The following ZSWIM2 variants were observed in gnomAD, a reference collection of about 807,000 sequenced individuals.
The protein encoded by ZSWIM2 is zinc finger SWIM-type containing 2.
A neutral mutation model predicts 48.4 loss-of-function variants in ZSWIM2; 38 were observed. The observed-to-expected ratio is 0.79, with a 90% CI of 0.61 to 1.03. ZSWIM2 has a LOEUF of 1.03. Among genes scored for constraint, ZSWIM2 ranks in the 50% least tolerant of loss-of-function variants. The pLI, the probability that ZSWIM2 is intolerant of heterozygous loss-of-function variation, is 0.00. For missense variants in ZSWIM2, 776 were observed against 730.2 expected (o/e 1.06, Z -0.72); for synonymous variants, 240 against 251.3 (o/e 0.96, Z 0.42).
At chr2:186,841,045 C>A (rs537558548) in intron 3 of ZSWIM2, among the ~76,000 whole-genome samples, 1 of 151,578 alleles carries the variant, frequency 6.6e-6, no homozygotes, top group East Asian at 1.9e-4. Context: ...AGCACAGACA[C>A]TAAAACTGAC....
intron 4 of ZSWIM2, 104 bp downstream of exon 4, chr2:186,838,855 A>G (rs1412019811): frequency 4.8e-6 from 4 of 839,412 alleles, no homozygotes; most frequent in Non-Finnish European, 7.0e-6. Flanking sequence ...AGCAGTAGGT[A>G]AAGTTGTCTA....
At chr2:186,829,667 A>G in intron 8 of ZSWIM2, 60 bp downstream of exon 8, 1 of 1,550,378 alleles carries the variant, frequency 6.5e-7, no homozygotes, top group Non-Finnish European at 8.8e-7. Context: ...TTAAATTGTC[A>G]CTTCATTTGT....
chr2:186,830,294 A>G (rs893528331), intron 7 of ZSWIM2, among the ~76,000 whole-genome samples: 9 of 152,156 alleles, frequency 5.9e-5, no homozygotes, highest in Admixed American at 5.9e-4. Flanking sequence ...TGGCAGGAGT[A>G]TCCCTTGGAC....
intron 4 of ZSWIM2, among the ~76,000 whole-genome samples, chr2:186,838,192 C>T (rs1458119738): frequency 6.6e-6 from 1 of 150,444 alleles, no homozygotes; most frequent in Non-Finnish European, 1.5e-5. Flanking sequence ...AAAGTATGAA[C>T]ATTAGACTCT....
intron 3 of ZSWIM2, 43 bp downstream of exon 3, chr2:186,844,674 A>G: frequency 1.3e-6 from 2 of 1,520,398 alleles, no homozygotes; most frequent in Non-Finnish European, 8.8e-7. Flanking sequence ...TCAAAGTAGT[A>G]AAATAAAAAA....
intron 4 of ZSWIM2, 89 bp from the exon 5 acceptor site, chr2:186,837,643 A>T (rs1053576617): frequency 4.3e-5 from 19 of 438,198 alleles, no homozygotes; most frequent in Non-Finnish European, 5.3e-5. Context: ...ATATATATTT[A>T]TATAAATAAA....
At chr2:186,848,934 G>A (rs1254691126) in intron 1 of ZSWIM2, 32 bp downstream of exon 1, 1 of 1,612,676 alleles carries the variant, frequency 6.2e-7, no homozygotes, top group Non-Finnish European at 8.5e-7. Flanking sequence ...CGGGGATGAT[G>A]GCCAACTGGG....
rs1347392129 is a variant in ZSWIM2 at position 186,837,542 on chromosome 2, G to A, written c.507C>T (p.Gly169=). Residue 169 remains glycine (G), a synonymous_variant, in exon 5 of 9, where the codon GGC becomes GGT. Transcript: ENST00000295131. The stretch of plus-strand genomic sequence containing the variant: ...TCATGCATTTTATATGAATACTATT[G>A]CCACAGCCAAACCTATGAGAGATAA... ...LPVTFCRFGC[G]NSIHIKCMKI... The A allele has an allele frequency of 1.2e-6, 2 of 1,608,974 alleles. No individual in the cohort carries two copies. The highest frequency in any genetic ancestry group is 1.7e-6 in the Non-Finnish European group (2 of 1,177,470).
intron 5 of ZSWIM2, among the ~76,000 whole-genome samples, chr2:186,836,573 T>C (rs955227374): frequency 2.0e-5 from 3 of 152,112 alleles, no homozygotes; most frequent in African/African-American, 7.2e-5. Flanking sequence ...CATCATAATG[T>C]AATTCAAGAA....
In ZSWIM2 at chr2:186,838,643, C is replaced by T. The variant is rs971927522; in HGVS notation, c.494+316G>A. Among the ~76,000 whole-genome samples, 9 of 147,746 alleles carry T rather than the reference C, an allele frequency of 6.1e-5. No homozygotes were observed. The East Asian group carries it at 1.6e-3, about 26-fold the overall frequency. On this transcript the variant is annotated intron_variant, in intron 4 of 8. Coordinates refer to ENST00000295131, the MANE Select transcript of ZSWIM2 (RefSeq NM_182521.3). Reference sequence around the variant, plus strand: ...ATTTAGAGTAAGAGCATATATTTAGCTCAAAACATATATATACACACACAT... The same window carrying T: ...ATTTAGAGTAAGAGCATATATTTAGTTCAAAACATATATATACACACACAT...
intron 7 of ZSWIM2, among the ~76,000 whole-genome samples, chr2:186,831,629 T>C (rs1691701846): frequency 2.6e-5 from 4 of 151,936 alleles, no homozygotes; most frequent in Admixed American, 2.0e-4. Context: ...CCAACCCAAA[T>C]GTCCAACAAT....
At chr2:186,839,225 G>A in intron 3 of ZSWIM2, 56 bp from the exon 4 acceptor site, 2 of 1,492,758 alleles carry the variant, frequency 1.3e-6, no homozygotes, top group Non-Finnish European at 1.8e-6. Context: ...GCTACAGAGA[G>A]GTAACAACTT....
At chr2:186,829,433 C>A (rs1306223872) in intron 8 of ZSWIM2, among the ~76,000 whole-genome samples, 2 of 152,080 alleles carry the variant, frequency 1.3e-5, no homozygotes, top group African/African-American at 2.4e-5. Context: ...TATTCTATAA[C>A]CTTTTTTCTT....
At chr2:186,830,239 G>A (rs1366032326) in intron 7 of ZSWIM2, among the ~76,000 whole-genome samples, 2 of 151,900 alleles carry the variant, frequency 1.3e-5, no homozygotes, top group Admixed American at 6.6e-5. Context: ...AAAATTAGCC[G>A]GGCATGGTGG....
chr2:186,848,884 G>C, intron 1 of ZSWIM2, 82 bp downstream of exon 1: 1 of 1,557,948 alleles, frequency 6.4e-7, no homozygotes, highest in Non-Finnish European at 8.8e-7. Context: ...TGTGATGGTG[G>C]CTACGCACAT....
At chr2:186,835,143 C>A (rs1691771744) in intron 5 of ZSWIM2, among the ~76,000 whole-genome samples, 1 of 152,030 alleles carries the variant, frequency 6.6e-6, no homozygotes, top group Non-Finnish European at 1.5e-5. Context: ...TGGCAGCATA[C>A]TTCTTGAAAA....
intron 5 of ZSWIM2, among the ~76,000 whole-genome samples, chr2:186,835,052 G>T (rs144486624): frequency 1.3e-5 from 2 of 152,204 alleles, no homozygotes; most frequent in African/African-American, 4.8e-5. Flanking sequence ...ATTCTTACAG[G>T]ATGTACAGTC....
intron 6 of ZSWIM2, 91 bp downstream of exon 6, chr2:186,833,855 A>C (rs1662141212): frequency 1.4e-5 from 14 of 1,015,342 alleles, no homozygotes; most frequent in Non-Finnish European, 1.9e-5. Context: ...TCTGTTCCAC[A>C]GTGTTATGTA....
intron 5 of ZSWIM2, among the ~76,000 whole-genome samples, chr2:186,835,430 T>C (rs565283261): frequency 1.3e-5 from 2 of 152,306 alleles, no homozygotes; most frequent in South Asian, 2.1e-4. Context: ...TAAGAAAATA[T>C]GTCCCTCAGA....
Sources: gnomAD v4.1 joint callset for allele counts (sites outside exome capture counted in the v4.1 genomes callset) on GRCh38, gnomAD v4.1.1 for gene constraint, MANE v1.5 for transcripts, NCBI Gene and HGNC (gene_info 2026-07-23, HGNC 2026-07-21) for gene names.